Variants in PHACTR4 observed in about 807,000 individuals in gnomAD.
PHACTR4 encodes phosphatase and actin regulator 4.
A neutral mutation model predicts 72.7 loss-of-function variants in PHACTR4; 51 were observed. That is an observed-to-expected ratio of 0.70 (90% confidence interval 0.56 to 0.89). The LOEUF (loss-of-function observed/expected upper bound fraction) is 0.89. PHACTR4 is among the 40% of genes least tolerant of loss of function. PHACTR4 has a pLI of 0.00. For missense variants in PHACTR4, 731 were observed against 861.8 expected, an observed-to-expected ratio of 0.85 and a Z score of 1.90; for synonymous variants, 255 against 302.5, an observed-to-expected ratio of 0.84 and a Z score of 1.63.
chr1:28,440,482 G>T (rs1166074061), intron 2 of PHACTR4, among the ~76,000 whole-genome samples: 49 of 120,056 alleles, frequency 4.1e-4, no homozygotes, highest in African/African-American at 1.6e-3. Context: ...TGAAAGCTCC[G>T]CCTCCCGGGT....
chr1:28,429,174 C>T (rs1213262330), intron 2 of PHACTR4, among the ~76,000 whole-genome samples: 1 of 152,168 alleles, frequency 6.6e-6, no homozygotes, highest in Non-Finnish European at 1.5e-5. Context: ...CCTGCCTTAA[C>T]TTTAACCTTC....
At chr1:28,450,672 T>TTCTCCCTCTGTC (rs1174602720) in intron 2 of PHACTR4, among the ~76,000 whole-genome samples, 14 of 152,144 alleles carry the variant, frequency 9.2e-5, no homozygotes, top group African/African-American at 3.4e-4. Context: ...CAGGTTGTAG[T>TTCTCCCTCTGTC]ACAGTGGTAT....
chr1:28,382,113 T>C (rs1395302669), intron 1 of PHACTR4, among the ~76,000 whole-genome samples: 1 of 152,142 alleles, frequency 6.6e-6, no homozygotes, highest in Non-Finnish European at 1.5e-5. Context: ...TTCTTACAAA[T>C]TTGTTTAAGT....
intron 2 of PHACTR4, among the ~76,000 whole-genome samples, chr1:28,449,543 T>C (rs1476732457): frequency 6.6e-6 from 1 of 152,112 alleles, no homozygotes; most frequent in Non-Finnish European, 1.5e-5. Context: ...ATAAATATCA[T>C]ACATTTATTT....
intron 9 of PHACTR4, among the ~76,000 whole-genome samples, chr1:28,484,550 GTGTA>G (rs1660505292): frequency 6.6e-6 from 1 of 151,212 alleles, no homozygotes; most frequent in African/African-American, 2.4e-5. Context: ...ATATATATGT[GTGTA>G]TGTAATATAT....
In PHACTR4 at chr1:28,382,422, G is replaced by A. The variant is rs533881377; in HGVS notation, c.-39+12597G>A. On this transcript the variant is annotated intron_variant, in intron 1 of 13. Coordinates refer to ENST00000373839, the MANE Select transcript of PHACTR4 (RefSeq NM_001048183.3). ...GAGTTCACTCCATTCTCCTGCCTCA[G>A]CCTCCCGAGTAGCTGGGACTACAGG... Among the ~76,000 whole-genome samples, 8 of 151,894 alleles carry A rather than the reference G, an allele frequency of 5.3e-5. No homozygotes were observed. The South Asian group carries it at 8.3e-4, about 16-fold the overall frequency.
intron 2 of PHACTR4, among the ~76,000 whole-genome samples, chr1:28,418,399 T>G (rs1655259919): frequency 6.6e-6 from 1 of 151,490 alleles, no homozygotes; most frequent in African/African-American, 2.4e-5. Flanking sequence ...GAGAAACATC[T>G]AAACCTGGGA....
At chr1:28,475,887 A>T (rs144727739) in intron 7 of PHACTR4, among the ~76,000 whole-genome samples, 1 of 151,546 alleles carries the variant, frequency 6.6e-6, no homozygotes, top group African/African-American at 2.4e-5. Context: ...CCACCATGCC[A>T]GGCTAATTTT....
At chr1:28,399,451 CCAG>C (rs1314764735) in intron 1 of PHACTR4, among the ~76,000 whole-genome samples, 4 of 152,150 alleles carry the variant, frequency 2.6e-5, no homozygotes, top group African/African-American at 9.7e-5. Flanking sequence ...ATTCACATTG[CCAG>C]GAAACTTGTT....
At chr1:28,482,367 T>C (rs565333938) in intron 9 of PHACTR4, among the ~76,000 whole-genome samples, 1 of 152,212 alleles carries the variant, frequency 6.6e-6, no homozygotes, top group Non-Finnish European at 1.5e-5. Context: ...GCATTATATC[T>C]GTTTCATATG....
intron 6 of PHACTR4, among the ~76,000 whole-genome samples, chr1:28,467,582 C>A (rs1343667920): frequency 6.6e-6 from 1 of 152,152 alleles, no homozygotes; most frequent in African/African-American, 2.4e-5. Context: ...CTTCCATAAG[C>A]ATTAATGAGT....
At chr1:28,378,198 T>TAAAAAAAAAAAAAAA (rs60280611) in intron 1 of PHACTR4, among the ~76,000 whole-genome samples, 26 of 76,392 alleles carry the variant, frequency 3.4e-4, no homozygotes, top group African/African-American at 1.6e-3. Flanking sequence ...CTCCATCTCA[T>TAAAAAAAAAAAAAAA]AAAAAAAAAA....
chr1:28,460,336 G>A (rs1426202494), intron 4 of PHACTR4, 44 bp downstream of exon 4: 1 of 1,373,542 alleles, frequency 7.3e-7, no homozygotes, highest in East Asian at 2.3e-5. Context: ...CTGTGCACTT[G>A]GTCTTTGATT....
chr1:28,466,276 A>G lies in PHACTR4; in HGVS notation c.437-106A>G. ...AGAATGGTAACCTATAAGCTAATCTATAAATTAATTGGTGAAATTGGCCAC... is the reference window on the plus strand; with the variant it reads ...AGAATGGTAACCTATAAGCTAATCTGTAAATTAATTGGTGAAATTGGCCAC... On this transcript the variant is annotated intron_variant, in intron 5 of 13. Transcript: ENST00000373839. The G allele has an allele frequency of 3.1e-6, 4 of 1,275,540 alleles. No homozygotes were observed. In the South Asian group the frequency reaches 4.3e-5, roughly 14 times the overall value. The allele number at this position is 1,275,540 out of a possible 1,614,324, so 79.0% of individuals were successfully genotyped here.
chr1:28,480,876 A>G (rs937230031), intron 9 of PHACTR4, among the ~76,000 whole-genome samples: 1 of 152,070 alleles, frequency 6.6e-6, no homozygotes, highest in East Asian at 1.9e-4. Context: ...CTTAGCAAAG[A>G]CAGCGTTTCG....
intron 9 of PHACTR4, among the ~76,000 whole-genome samples, chr1:28,483,159 T>C (rs528818002): frequency 6.6e-6 from 1 of 151,962 alleles, no homozygotes; most frequent in South Asian, 2.1e-4. Context: ...ATCCCAGCAC[T>C]TTGGGAGGCT....
At chr1:28,380,830 A>G (rs1652107474) in intron 1 of PHACTR4, among the ~76,000 whole-genome samples, 1 of 151,856 alleles carries the variant, frequency 6.6e-6, no homozygotes, top group Non-Finnish European at 1.5e-5. Context: ...TTTATAATAG[A>G]ATGATTTATA....
At chr1:28,374,648 A>G (rs1651503373) in intron 1 of PHACTR4, among the ~76,000 whole-genome samples, 1 of 152,076 alleles carries the variant, frequency 6.6e-6, no homozygotes, top group Non-Finnish European at 1.5e-5. Context: ...TTCCAAAACC[A>G]TCTGTTCATT....
chr1:28,445,516 C>T (rs1245736354), intron 2 of PHACTR4, among the ~76,000 whole-genome samples: 2 of 151,682 alleles, frequency 1.3e-5, no homozygotes, highest in African/African-American at 4.8e-5. Flanking sequence ...CCTTCATTTA[C>T]CCTAATTCAC....
Sources: allele counts gnomAD v4.1 joint callset (sites outside exome capture counted in the v4.1 genomes callset), GRCh38; gene constraint gnomAD v4.1.1; transcripts MANE v1.5; gene names NCBI Gene and HGNC (gene_info 2026-07-23, HGNC 2026-07-21).